Variants in PTPRD observed in about 807,000 individuals in gnomAD.
The protein encoded by PTPRD is protein tyrosine phosphatase receptor type D.
In PTPRD, 34 loss-of-function variants were observed where a neutral mutation model predicts 214.5. That is an observed-to-expected ratio of 0.16 (90% confidence interval 0.12 to 0.21). The LOEUF is 0.21. Among genes scored for constraint, PTPRD ranks in the 10% least tolerant of loss-of-function variants. The pLI is 1.00. For missense variants in PTPRD, 2,545 were observed against 2,398.7 expected, an observed-to-expected ratio of 1.06 and a Z score of -1.27; for synonymous variants, 1,128 against 845.7, an observed-to-expected ratio of 1.33 and a Z score of -5.79.
At chr9:10,332,509 T>G (rs535297071) in intron 3 of PTPRD, among the ~76,000 whole-genome samples, 3 of 151,834 alleles carry the variant, frequency 2.0e-5, no homozygotes, top group Non-Finnish European at 2.9e-5. Context: ...CGAACCCATA[T>G]GTCTCTAAAT....
chr9:8,403,466 G>C (rs1246583334), intron 36 of PTPRD, among the ~76,000 whole-genome samples: 1 of 152,182 alleles, frequency 6.6e-6, no homozygotes, highest in Non-Finnish European at 1.5e-5. Context: ...AGATTTAAGT[G>C]GCCTCCTAAA....
At chr9:10,363,478 G>C (rs1057017370) in intron 2 of PTPRD, among the ~76,000 whole-genome samples, 5 of 152,116 alleles carry the variant, frequency 3.3e-5, no homozygotes, top group Non-Finnish European at 7.4e-5. Flanking sequence ...ACTGCTACTG[G>C]AATTGTCACA....
At chr9:8,938,317 A>C (rs2099010611) in intron 11 of PTPRD, among the ~76,000 whole-genome samples, 1 of 152,054 alleles carries the variant, frequency 6.6e-6, no homozygotes, top group Admixed American at 6.6e-5. Context: ...AGAGAAGAGG[A>C]GAGAACACAA....
At chr9:10,153,781 T>C (rs2099076784) in intron 3 of PTPRD, among the ~76,000 whole-genome samples, 2 of 152,060 alleles carry the variant, frequency 1.3e-5, no homozygotes, top group South Asian at 2.1e-4. Context: ...GAACATGTGG[T>C]ATTTGGTTTT....
At chr9:10,289,555 C>A (rs2095469517) in intron 3 of PTPRD, among the ~76,000 whole-genome samples, 1 of 152,122 alleles carries the variant, frequency 6.6e-6, no homozygotes, top group Non-Finnish European at 1.5e-5. Flanking sequence ...TAGGTTGCTT[C>A]CCCTACCGCC....
At chr9:9,851,786 AAAC>A (rs1236882756) in intron 5 of PTPRD, among the ~76,000 whole-genome samples, 1 of 152,212 alleles carries the variant, frequency 6.6e-6, no homozygotes, top group South Asian at 2.1e-4. Context: ...TCTCAATTAA[AAAC>A]AACAACAACT....
At chr9:8,351,238 C>G (rs1327150149) in intron 39 of PTPRD, among the ~76,000 whole-genome samples, 1 of 152,084 alleles carries the variant, frequency 6.6e-6, no homozygotes, top group Non-Finnish European at 1.5e-5. Context: ...CATAACACCA[C>G]TTACATTGTT....
intron 10 of PTPRD, among the ~76,000 whole-genome samples, chr9:9,030,184 C>G (rs2099600042): frequency 6.7e-6 from 1 of 149,608 alleles, no homozygotes; most frequent in African/African-American, 2.5e-5. Flanking sequence ...TACTACCTGT[C>G]AGGAATGCAA....
chr9:9,923,359 G>A (rs896839464), intron 5 of PTPRD, among the ~76,000 whole-genome samples: 1 of 150,064 alleles, frequency 6.7e-6, no homozygotes, highest in African/African-American at 2.5e-5. Flanking sequence ...AACGACAAAA[G>A]ACAGGAAGAG....
At chr9:9,071,443 T>C (rs1470869511) in intron 10 of PTPRD, among the ~76,000 whole-genome samples, 1 of 152,120 alleles carries the variant, frequency 6.6e-6, no homozygotes, top group African/African-American at 2.4e-5. Context: ...TCTCTGAAGT[T>C]AGAGATTTTA....
At chr9:9,217,357 T>A (rs999623349) in intron 9 of PTPRD, among the ~76,000 whole-genome samples, 23 of 152,320 alleles carry the variant, frequency 1.5e-4, no homozygotes, top group African/African-American at 5.1e-4. Flanking sequence ...TACAAATACA[T>A]AAAATAAGAT....
At chr9:8,459,703 T>G (rs1366063379) in intron 33 of PTPRD, among the ~76,000 whole-genome samples, 2 of 152,090 alleles carry the variant, frequency 1.3e-5, no homozygotes, top group African/African-American at 2.4e-5. Context: ...CACAGATTAT[T>G]TGCATCCTAA....
At chr9:8,366,355 GC>G (rs919899290) in intron 39 of PTPRD, among the ~76,000 whole-genome samples, 1 of 152,098 alleles carries the variant, frequency 6.6e-6, no homozygotes, top group African/African-American at 2.4e-5. Flanking sequence ...CTTAACTGCT[GC>G]CTCTCCCTTG....
chr9:8,979,876 A>C (rs1057453018), intron 11 of PTPRD, among the ~76,000 whole-genome samples: 2 of 152,092 alleles, frequency 1.3e-5, no homozygotes, highest in Admixed American at 1.3e-4. Context: ...TACCCAAAGA[A>C]GATGAAATCA....
chr9:10,259,995 A>G (rs922077104), intron 3 of PTPRD, among the ~76,000 whole-genome samples: 15 of 152,204 alleles, frequency 9.9e-5, no homozygotes, highest in African/African-American at 3.4e-4. Context: ...GTTCTGAGAC[A>G]GTCCACACCA....
intron 10 of PTPRD, among the ~76,000 whole-genome samples, chr9:9,179,559 T>C (rs895368757): frequency 2.0e-5 from 3 of 152,030 alleles, no homozygotes; most frequent in African/African-American, 7.2e-5. Context: ...CCTCTAACAT[T>C]CTCAATCAGC....
At chr9:8,922,424 G>A (rs531036093) in intron 11 of PTPRD, among the ~76,000 whole-genome samples, 7 of 152,230 alleles carry the variant, frequency 4.6e-5, no homozygotes, top group South Asian at 4.1e-4. Context: ...CTCCATGGTC[G>A]TATCCCTTAC....
chr9:8,821,015 CT>C (rs1430761986), intron 11 of PTPRD, among the ~76,000 whole-genome samples: 2 of 152,200 alleles, frequency 1.3e-5, no homozygotes, highest in Non-Finnish European at 2.9e-5. Flanking sequence ...AAACTTTCAA[CT>C]TATAGCCACC....
intron 9 of PTPRD, among the ~76,000 whole-genome samples, chr9:9,292,080 C>G (rs1951340500): frequency 6.6e-6 from 1 of 151,192 alleles, no homozygotes; most frequent in Admixed American, 6.6e-5. Flanking sequence ...AGCTTTGCAG[C>G]TTTGTATTAT....
Sources: allele counts gnomAD v4.1 joint callset (sites outside exome capture counted in the v4.1 genomes callset), GRCh38; gene constraint gnomAD v4.1.1; transcripts MANE v1.5; gene names NCBI Gene and HGNC (gene_info 2026-07-23, HGNC 2026-07-21).